Variants in CD34 observed in about 807,000 individuals in gnomAD.
CD34 encodes hematopoietic progenitor cell antigen CD34.
CD34 carries 34 observed loss-of-function variants against 40.1 expected under a neutral mutation model. The observed-to-expected ratio is 0.85, with a 90% confidence interval of 0.65 to 1.13. CD34 has a LOEUF of 1.13. Ranked by LOEUF, CD34 falls within the 50% of genes most tolerant of loss-of-function variation. The pLI, the probability that CD34 is intolerant of heterozygous loss-of-function variation, is 0.00. For synonymous variants in CD34, 209 were observed against 190.0 expected (o/e 1.10, Z -0.82); for missense variants, 426 against 466.9 (o/e 0.91, Z 0.81).
rs1373824332 is a variant in CD34 at position 207,883,376 on chromosome 1, T to C, written c.*4362A>G. The C allele has an allele frequency of 6.6e-6, 1 of 152,242 alleles. No individual in the cohort carries two copies. Among genetic ancestry groups the C allele is most frequent in the Non-Finnish European group, 1.5e-5 (1 of 68,044 alleles). The allele number at this position is 152,242 out of a possible 1,614,324, so 9.4% of individuals were successfully genotyped here. On this transcript the variant is annotated 3_prime_UTR_variant, in exon 8 of 8. Transcript: ENST00000310833. The stretch of plus-strand genomic sequence containing the variant: ...TGACCCAGTCTCAGATCTTCTCAGC[T>C]GGAAAGGGTCCTGCCCACATCTAGA...
At chr1:207,907,920 T>C (rs1662416073) in intron 1 of CD34, among the ~76,000 whole-genome samples, 1 of 152,176 alleles carries the variant, frequency 6.6e-6, no homozygotes, top group Admixed American at 6.5e-5. Flanking sequence ...TACCTTCTTA[T>C]TTTTAATTCT....
rs766288946 is a variant in CD34 at position 207,889,145 on chromosome 1, A to G, written c.807+16T>C. The stretch of plus-strand genomic sequence containing the variant: ...CCCGGCATTCCCTCTCAGGCCCATC[A>G]TCTCAGAGGACTTACCTTTTTCAGG... On this transcript the variant is annotated intron_variant, in intron 6 of 7. Transcript: ENST00000310833. The G allele has an allele frequency of 6.8e-7, 1 of 1,463,174 alleles. No individual in the cohort carries two copies. The allele number at this position is 1,463,174 out of a possible 1,614,324, so 90.6% of individuals were successfully genotyped here. A position where few individuals can be genotyped will look rare whatever the true frequency, so the allele number is the denominator to read the frequency against.
At chr1:207,909,621 A>G (rs1297159549) in intron 1 of CD34, among the ~76,000 whole-genome samples, 1 of 151,996 alleles carries the variant, frequency 6.6e-6, no homozygotes, top group Non-Finnish European at 1.5e-5. Flanking sequence ...GTTGGCCAGG[A>G]TGGTCTCGAT....
Position 207,910,873 on chromosome 1 carries a change from G to A in CD34, c.79+129C>T, listed in dbSNP as rs1040411342. 7.7e-6 allele frequency: 7 copies of A among 910,582 alleles called. No individual in the cohort carries two copies. The African/African-American group carries it at 1.0e-4, about 13-fold the overall frequency. The allele number at this position is 910,582 out of a possible 1,614,324, so 56.4% of individuals were successfully genotyped here. On this transcript the variant is annotated intron_variant, in intron 1 of 7. Coordinates refer to ENST00000310833, the MANE Select transcript of CD34 (RefSeq NM_001025109.2). ...TGGCCCCGGGGGGAAGCAGCTGTGG[G>A]CGGCAGTGCGTGGGTTGGGCAGGGG...
intron 5 of CD34, 107 bp from the exon 6 acceptor site, chr1:207,889,320 T>C: frequency 6.4e-7 from 1 of 1,571,818 alleles, no homozygotes; most frequent in South Asian, 1.1e-5. Flanking sequence ...GTGGTCCATC[T>C]CGGGGGGACC....
At chr1:207,892,973 A>G (rs1047450608) in intron 4 of CD34, among the ~76,000 whole-genome samples, 2 of 152,166 alleles carry the variant, frequency 1.3e-5, no homozygotes, top group Non-Finnish European at 2.9e-5. Flanking sequence ...CTGGAATCCA[A>G]CCGCATCAGT....
rs1328587635 is a variant in CD34 at position 207,889,230 on chromosome 1, G to A, written c.755-17C>T. Reference sequence around the variant, plus strand: ...TGGAAATTTCTAGAATTAGAAACAAGGGTTGCTAAATCTAAAGAGAAACCA... The same window carrying A: ...TGGAAATTTCTAGAATTAGAAACAAAGGTTGCTAAATCTAAAGAGAAACCA... On this transcript the variant is annotated splice_polypyrimidine_tract_variant and intron_variant, in intron 5 of 7. Transcript: ENST00000310833. 1 of 1,613,800 alleles carries A rather than the reference G, an allele frequency of 6.2e-7. No homozygotes were observed. The highest frequency in any genetic ancestry group is 1.3e-5 in the African/African-American group (1 of 74,904).
intron 1 of CD34, among the ~76,000 whole-genome samples, chr1:207,900,227 T>C (rs2102302752): frequency 6.6e-6 from 1 of 152,288 alleles, no homozygotes; most frequent in South Asian, 2.1e-4. Context: ...AAATGTCTCA[T>C]ACAGTATTAT....
intron 7 of CD34, chr1:207,888,166 C>T: frequency 1.2e-6 from 2 of 1,608,062 alleles, no homozygotes; most frequent in Non-Finnish European, 1.7e-6. Flanking sequence ...GCCACCGCAG[C>T]TCGGCAGCCA....
chr1:207,887,994 C>A, intron 7 of CD34, 71 bp from the exon 8 acceptor site: 1 of 1,460,594 alleles, frequency 6.8e-7, no homozygotes, highest in East Asian at 2.8e-5. Flanking sequence ...GGAGAGGGGC[C>A]CAAACAGGAA....
rs1195801030 is a variant in CD34, at chr1:207,887,936, T to C, written c.973-13A>G. ...AAGGGTCTTCGCCCTAGACAGTGTA[T>C]AAATAAAGTAGCATTATCTGGTAAG... On this transcript the variant is annotated splice_polypyrimidine_tract_variant and intron_variant, in intron 7 of 7. Coordinates refer to ENST00000310833, the MANE Select transcript of CD34 (RefSeq NM_001025109.2). The C allele has an allele frequency of 5.2e-6, 8 of 1,539,182 alleles. No individual in the cohort carries two copies. In the South Asian group the frequency reaches 8.9e-5, roughly 17 times the overall value.
chr1:207,910,946 G>A, intron 1 of CD34, 56 bp downstream of exon 1: 1 of 1,497,786 alleles, frequency 6.7e-7, no homozygotes, highest in Admixed American at 2.0e-5. Flanking sequence ...CTCCCAGAAA[G>A]CCTCCACCCT....
intron 1 of CD34, among the ~76,000 whole-genome samples, chr1:207,905,325 G>A (rs1332482408): frequency 1.3e-5 from 2 of 152,166 alleles, no homozygotes; most frequent in African/African-American, 4.8e-5. Flanking sequence ...TAGTAGAGAC[G>A]GGGTTTAGCC....
At chr1:207,909,832 T>G (rs1051574384) in intron 1 of CD34, among the ~76,000 whole-genome samples, 4 of 152,324 alleles carry the variant, frequency 2.6e-5, no homozygotes, top group African/African-American at 7.2e-5. Flanking sequence ...AAAACTTCTC[T>G]CAGAGCTTCC....
In CD34 at chr1:207,882,156, C is replaced by G. The variant is rs952758502; in HGVS notation, c.*5582G>C. 2 of 152,188 alleles carry G rather than the reference C, an allele frequency of 1.3e-5. No individual in the cohort carries two copies. Among genetic ancestry groups the G allele is most frequent in the Non-Finnish European group, 2.9e-5 (2 of 68,042 alleles). 9.4% of individuals were successfully genotyped at this position (152,188 alleles called of 1,614,324 possible). On this transcript the variant is annotated 3_prime_UTR_variant, in exon 8 of 8. Coordinates refer to ENST00000310833, the MANE Select transcript of CD34 (RefSeq NM_001025109.2). ...TATATAAGTCAAACATAGGGAGACT[C>G]CGATATGTAGAGAGAAGAAGGCAGA...
Position 207,898,729 on chromosome 1 carries a change from G to A in CD34, c.516+244C>T, listed in dbSNP as rs184547038. On this transcript the variant is annotated intron_variant, in intron 3 of 7. Transcript: ENST00000310833. ...GATTGGATGGATCTCTGAGAATCCC[G>A]TTTACTCTCTATTCCCTAAAATGCA... 2.0e-4 allele frequency among the ~76,000 whole-genome samples: 31 copies of A among 152,318 alleles called. 1 individual carries two copies. Among genetic ancestry groups the A allele is most frequent in the Admixed American group, 1.6e-3 (25 of 15,296 alleles).
chr1:207,883,735 T>C lies in CD34; in HGVS notation c.*4003A>G, dbSNP rs1661846895. 1 of 152,206 alleles carries C rather than the reference T, an allele frequency of 6.6e-6. No individual in the cohort carries two copies. Among genetic ancestry groups the C allele is most frequent in the Non-Finnish European group, 1.5e-5 (1 of 68,038 alleles). The allele number at this position is 152,206 out of a possible 1,614,324, so 9.4% of individuals were successfully genotyped here. On this transcript the variant is annotated 3_prime_UTR_variant, in exon 8 of 8. Coordinates refer to ENST00000310833, the MANE Select transcript of CD34 (RefSeq NM_001025109.2). The stretch of plus-strand genomic sequence containing the variant: ...ACTCAAAAACTGTTAGCTACTATCA[T>C]TGTAAATATGATTATTATTTGAAGA...
At chr1:207,902,928 C>G (rs938415801) in intron 1 of CD34, among the ~76,000 whole-genome samples, 4 of 152,180 alleles carry the variant, frequency 2.6e-5, no homozygotes, top group Non-Finnish European at 5.9e-5. Flanking sequence ...GAATGAGTAG[C>G]AGGATCCACC....
At chr1:207,890,100 T>C (rs1662000920) in intron 4 of CD34, 12 of 1,208,964 alleles carry the variant, frequency 9.9e-6, no homozygotes, top group Non-Finnish European at 1.2e-5. Flanking sequence ...CTCCTCCCTC[T>C]TTCTACCCAA....
Sources: gnomAD v4.1 joint callset for allele counts (sites outside exome capture counted in the v4.1 genomes callset) on GRCh38, gnomAD v4.1.1 for gene constraint, MANE v1.5 for transcripts, NCBI Gene and HGNC (gene_info 2026-07-23, HGNC 2026-07-21) for gene names.